NRXN1: variants seen among roughly 807,000 people sequenced by gnomAD.
NRXN1 encodes the protein neurexin-1.
NRXN1 carries 39 observed loss-of-function variants against 150.9 expected under a neutral mutation model. The ratio of observed to expected loss-of-function variants is 0.26; its 90% CI spans 0.20 to 0.34. The LOEUF is 0.34. NRXN1 is among the 10% of genes least tolerant of loss of function. The pLI is 1.00. For missense variants in NRXN1, 1,815 were observed against 1,949.9 expected (o/e 0.93, Z 1.30); for synonymous variants, 924 against 757.0 (o/e 1.22, Z -3.62).
chr2:50,475,590 T>G (rs1458309379), intron 15 of NRXN1, among the ~76,000 whole-genome samples: 1 of 152,022 alleles, frequency 6.6e-6, no homozygotes, highest in Non-Finnish European at 1.5e-5. Flanking sequence ...GCAGAAAATA[T>G]CAGTTCAAGC....
chr2:50,126,280 C>A (rs1704573041), intron 18 of NRXN1, among the ~76,000 whole-genome samples: 1 of 151,908 alleles, frequency 6.6e-6, no homozygotes, highest in African/African-American at 2.4e-5. Context: ...CCTTTCCTAT[C>A]TTTTTTTTCT....
intron 18 of NRXN1, among the ~76,000 whole-genome samples, chr2:50,124,942 T>C (rs920419443): frequency 1.3e-5 from 2 of 152,198 alleles, no homozygotes; most frequent in African/African-American, 4.8e-5. Context: ...TAATTCATCA[T>C]ACATTTATTA....
intron 5 of NRXN1, among the ~76,000 whole-genome samples, chr2:50,779,617 A>G (rs1704088064): frequency 6.6e-6 from 1 of 151,700 alleles, no homozygotes; most frequent in Non-Finnish European, 1.5e-5. Context: ...AAATACAAAA[A>G]ATTAGCTGGG....
intron 13 of NRXN1, among the ~76,000 whole-genome samples, chr2:50,501,326 G>A (rs750266046): frequency 6.6e-6 from 1 of 151,762 alleles, no homozygotes; most frequent in Non-Finnish European, 1.5e-5. Flanking sequence ...ATTTCTCATA[G>A]TGCTTCTTAC....
At chr2:50,817,939 A>G (rs1669163045) in intron 5 of NRXN1, among the ~76,000 whole-genome samples, 1 of 152,050 alleles carries the variant, frequency 6.6e-6, no homozygotes. Flanking sequence ...ATAATCAGGA[A>G]CAAGGTATTA....
intron 21 of NRXN1, among the ~76,000 whole-genome samples, chr2:49,968,861 T>G (rs933083264): frequency 6.6e-6 from 1 of 152,084 alleles, no homozygotes; most frequent in African/African-American, 2.4e-5. Flanking sequence ...CTATTTGTCT[T>G]GAATCCTCAA....
intron 5 of NRXN1, among the ~76,000 whole-genome samples, chr2:50,826,895 A>AAC (rs1670523495): frequency 6.6e-6 from 1 of 152,210 alleles, no homozygotes; most frequent in African/African-American, 2.4e-5. Flanking sequence ...GATGGCATTA[A>AAC]ACGCCACAGT....
intron 5 of NRXN1, among the ~76,000 whole-genome samples, chr2:50,869,961 A>G (rs2106090778): frequency 6.6e-6 from 1 of 152,038 alleles, no homozygotes; most frequent in Admixed American, 6.6e-5. Flanking sequence ...TGGGGAATGC[A>G]AAAGTTAATA....
At chr2:50,944,520 G>C (rs183882323) in intron 2 of NRXN1, among the ~76,000 whole-genome samples, 2 of 152,060 alleles carry the variant, frequency 1.3e-5, no homozygotes, top group African/African-American at 2.4e-5. Context: ...TCCTACTTCC[G>C]TTTATTCATT....
chr2:49,957,738 A>T (rs1484158849), intron 21 of NRXN1, among the ~76,000 whole-genome samples: 2 of 152,118 alleles, frequency 1.3e-5, no homozygotes, highest in East Asian at 3.9e-4. Context: ...AGGTAAAGAG[A>T]AGGAAACCCT....
At chr2:50,139,366 T>C (rs2152757699) in intron 18 of NRXN1, among the ~76,000 whole-genome samples, 1 of 150,494 alleles carries the variant, frequency 6.6e-6, no homozygotes, top group East Asian at 2.0e-4. Context: ...TGGGCCATCA[T>C]GTGAACCTGA....
intron 15 of NRXN1, among the ~76,000 whole-genome samples, chr2:50,482,677 T>C (rs2090558232): frequency 6.6e-6 from 1 of 152,072 alleles, no homozygotes; most frequent in Non-Finnish European, 1.5e-5. Flanking sequence ...CTGGGTAAAA[T>C]AAGACTGAGA....
At chr2:50,863,869 C>T (rs1380745143) in intron 5 of NRXN1, among the ~76,000 whole-genome samples, 1 of 152,014 alleles carries the variant, frequency 6.6e-6, no homozygotes, top group Admixed American at 6.6e-5. Context: ...TAAAAACCTG[C>T]TAGACCATGG....
intron 17 of NRXN1, among the ~76,000 whole-genome samples, chr2:50,304,351 T>C (rs138585717): frequency 6.6e-6 from 1 of 152,214 alleles, no homozygotes; most frequent in Non-Finnish European, 1.5e-5. Flanking sequence ...TTGAAGATTT[T>C]CTGGGCTCTC....
At chr2:49,949,102 T>G (rs1673469595) in intron 21 of NRXN1, among the ~76,000 whole-genome samples, 1 of 152,018 alleles carries the variant, frequency 6.6e-6, no homozygotes, top group Admixed American at 6.6e-5. Context: ...CTTTTCTATA[T>G]TTGAACACCA....
intron 18 of NRXN1, among the ~76,000 whole-genome samples, chr2:50,185,268 TTTC>T (rs774430785): frequency 1.1e-4 from 17 of 152,094 alleles, no homozygotes; most frequent in Non-Finnish European, 7.4e-5. Context: ...TCACTGACAA[TTTC>T]TTTTTTCTCT....
At chr2:50,927,913 G>C (rs1687147538) in intron 2 of NRXN1, among the ~76,000 whole-genome samples, 2 of 151,816 alleles carry the variant, frequency 1.3e-5, no homozygotes, top group Admixed American at 6.6e-5. Flanking sequence ...CCAACAAAAT[G>C]AAACAGGCCC....
chr2:50,525,585 A>G (rs1352985181), intron 12 of NRXN1, among the ~76,000 whole-genome samples: 1 of 152,226 alleles, frequency 6.6e-6, no homozygotes, highest in Non-Finnish European at 1.5e-5. Flanking sequence ...TAGCAATGGT[A>G]TAAGCTAATG....
At chr2:50,009,596 A>G (rs1479023698) in intron 21 of NRXN1, among the ~76,000 whole-genome samples, 1 of 152,118 alleles carries the variant, frequency 6.6e-6, no homozygotes, top group Non-Finnish European at 1.5e-5. Flanking sequence ...GAAAATTGCT[A>G]TTGTGTACAA....
Sources: gnomAD v4.1 joint callset for allele counts (sites outside exome capture counted in the v4.1 genomes callset) on GRCh38, gnomAD v4.1.1 for gene constraint, MANE v1.5 for transcripts, NCBI Gene and HGNC (gene_info 2026-07-23, HGNC 2026-07-21) for gene names.